Variants in FAM151A observed in about 807,000 individuals in gnomAD.
FAM151A encodes protein FAM151A.
FAM151A carries 41 observed loss-of-function variants against 40.4 expected under a neutral mutation model. That is an observed-to-expected ratio of 1.01 (90% CI 0.79 to 1.32). The LOEUF is 1.32. FAM151A is among the 40% of genes most tolerant of loss of function. FAM151A has a pLI of 0.00. For missense variants in FAM151A, 740 were observed against 740.4 expected (o/e 1.00, Z 0.01); for synonymous variants, 337 against 312.5 (o/e 1.08, Z -0.83).
rs1569775802 is a variant in FAM151A, at chr1:54,609,399, G to A, written c.1627C>T (p.Pro543Ser). The A allele has an allele frequency of 6.2e-7, 1 of 1,614,084 alleles. No homozygotes were observed. Among genetic ancestry groups the A allele is most frequent in the East Asian group, 2.2e-5 (1 of 44,884 alleles). The change falls in exon 8 of 8, where the codon CCA becomes TCA. Residue 543 changes from proline to serine, a missense_variant. Pro to Ser is a moderately conservative substitution (Grantham distance 74, BLOSUM62 -1). Transcript: ENST00000302250. ...ACAGAGGCATAGTCGCCCCCAGCTGGGTTGTGCTCCACTGTGACGGTGGCC... is the reference window on the plus strand; with the variant it reads ...ACAGAGGCATAGTCGCCCCCAGCTGAGTTGTGCTCCACTGTGACGGTGGCC... ...PRATVTVEHN[P>S]AGGDYASVRT...
At chr1:54,622,956 C>T (rs543285910) in intron 1 of FAM151A, among the ~76,000 whole-genome samples, 1 of 150,226 alleles carries the variant, frequency 6.7e-6, no homozygotes, top group East Asian at 2.0e-4. Flanking sequence ...AGGTGGATCA[C>T]CTGAGGTCAG....
At chr1:54,617,500 C>G (rs1644185082) in intron 2 of FAM151A, among the ~76,000 whole-genome samples, 1 of 151,116 alleles carries the variant, frequency 6.6e-6, no homozygotes, top group Non-Finnish European at 1.5e-5. Context: ...CTACCCATTG[C>G]TCTAAACTTG....
In FAM151A at chr1:54,611,688, G is replaced by A; in HGVS notation, c.858C>T (p.Leu286=). 1 of 1,614,140 alleles carries A rather than the reference G, an allele frequency of 6.2e-7. No individual in the cohort carries two copies. Among genetic ancestry groups the A allele is most frequent in the Non-Finnish European group, 8.5e-7 (1 of 1,180,018 alleles). Residue 286 remains leucine (L), a synonymous_variant, in exon 6 of 8, where the codon CTC becomes CTT. Transcript: ENST00000302250. ...GGACAGCAGTGTTATCCCGGACGTA[G>A]AGCAGATCTTCCACCGACATGGGGT... ...ASDPMSVEDL[L]YVRDNTAVHQ...
intron 1 of FAM151A, among the ~76,000 whole-genome samples, chr1:54,622,509 C>T (rs796521324): frequency 2.5e-4 from 37 of 150,736 alleles, no homozygotes; most frequent in African/African-American, 8.1e-4. Context: ...ACCTGGGAGG[C>T]GGAGGTTGCA....
intron 1 of FAM151A, among the ~76,000 whole-genome samples, chr1:54,622,442 G>A (rs1369468381): frequency 6.6e-6 from 1 of 152,148 alleles, no homozygotes; most frequent in African/African-American, 2.4e-5. Context: ...GCTGAGCGTG[G>A]TGGCGCACGC....
chr1:54,612,197 T>C (rs1702013), intron 5 of FAM151A, among the ~76,000 whole-genome samples: 57,987 of 151,214 alleles, frequency 0.38, 13,149 homozygotes, highest in Non-Finnish European at 0.53. Context: ...GCCCCAGGGG[T>C]ACAGCGGGCT....
chr1:54,620,134 A>G lies in FAM151A; in HGVS notation c.119-127T>C. 3 of 987,864 alleles carry G rather than the reference A, an allele frequency of 3.0e-6. No individual in the cohort carries two copies. The East Asian group carries it at 7.9e-5, about 26-fold the overall frequency. The allele number at this position is 987,864 out of a possible 1,614,324, so 61.2% of individuals were successfully genotyped here. A position where few individuals can be genotyped will look rare whatever the true frequency, so the allele number is the denominator to read the frequency against. ...TACCCCATCTGGCAGAGGGACGGTG[A>G]GGCTCAGACTCACTGGTGCTACAAT... is the stretch of plus-strand genomic sequence containing the variant. On this transcript the variant is annotated intron_variant, in intron 1 of 7. Transcript: ENST00000302250.
At chr1:54,617,456 T>C (rs1230252884) in intron 2 of FAM151A, among the ~76,000 whole-genome samples, 1 of 137,814 alleles carries the variant, frequency 7.3e-6, no homozygotes, top group African/African-American at 2.9e-5. Flanking sequence ...CATGTCACTT[T>C]CTGTTAAAAA....
rs150466275 is a variant in FAM151A at position 54,609,667 on chromosome 1, C to T, written c.1359G>A (p.Ser453=). ...CTCTGCCAGCCACATGGCCGGGGACCGAAAAACTCCCGTGGGAGATTTTGG... is the reference window on the plus strand; with the variant it reads ...CTCTGCCAGCCACATGGCCGGGGACTGAAAAACTCCCGTGGGAGATTTTGG... ...VGAKISHGSF[S]VPGHVAGREL... The change falls in exon 8 of 8, where the codon TCG becomes TCA. Residue 453 remains serine, a synonymous_variant. Transcript: ENST00000302250. 39 of 1,613,942 alleles carry T rather than the reference C, an allele frequency of 2.4e-5. No individual in the cohort carries two copies. Among genetic ancestry groups the T allele is most frequent in the South Asian group, 1.2e-4 (11 of 91,084 alleles).
In FAM151A at chr1:54,609,400, G is replaced by T. The variant is rs759391330; in HGVS notation, c.1626C>A (p.Asn542Lys). The T allele has an allele frequency of 1.9e-6, 3 of 1,614,068 alleles. No individual in the cohort carries two copies. The highest frequency in any genetic ancestry group is 2.5e-6 in the Non-Finnish European group (3 of 1,180,044). The change falls in exon 8 of 8, where the codon AAC becomes AAA. Residue 542 changes from asparagine (N) to lysine (K), a missense_variant. Physicochemically the swap from Asn to Lys is moderately conservative, Grantham distance 94. Transcript: ENST00000302250. ...SPRATVTVEH[N>K]PAGGDYASVR... Reference sequence around the variant, plus strand: ...CAGAGGCATAGTCGCCCCCAGCTGGGTTGTGCTCCACTGTGACGGTGGCCC... The same window carrying T: ...CAGAGGCATAGTCGCCCCCAGCTGGTTTGTGCTCCACTGTGACGGTGGCCC...
At position 54,623,399 on chromosome 1, in the gene FAM151A, G is replaced by A. The variant is rs769352946; in HGVS notation, c.-4C>T. On this transcript the variant is annotated 5_prime_UTR_variant, in exon 1 of 8. Coordinates refer to ENST00000302250, the MANE Select transcript of FAM151A (RefSeq NM_176782.3). ...ATAACTGCTCCCTGCAGACCATGGC[G>A]ACGCTCTCTGGGGAATGCCCCCAAC... 43 of 1,610,016 alleles carry A rather than the reference G, an allele frequency of 2.7e-5. 1 individual carries two copies. Among genetic ancestry groups the A allele is most frequent in the South Asian group, 9.9e-5 (9 of 90,938 alleles).
In FAM151A at chr1:54,610,640, T is replaced by G. The variant is rs150844406; in HGVS notation, c.941-85A>C. On this transcript the variant is annotated intron_variant, in intron 6 of 7. Coordinates refer to ENST00000302250, the MANE Select transcript of FAM151A (RefSeq NM_176782.3). ...TTGCTAGGGTCCCATAGGCCACAGC[T>G]CTACGGGCATCCTCTCTAAGCCTCA... The G allele has an allele frequency of 3.7e-4, 575 of 1,538,716 alleles. 1 individual carries two copies. The African/African-American group carries it at 5.9e-3, about 16-fold the overall frequency.
At position 54,612,562 on chromosome 1, in the gene FAM151A, C is replaced by A; in HGVS notation, c.724G>T (p.Val242Phe). ...HELVGGVPQR[V>F]TFPVRSSMVR... ...ATGGAAGACCGTACAGGGAAGGTGA[C>A]CCTCTGGGGCACTCCTCCCACCAGC... Residue 242 changes from valine (V) to phenylalanine (F), a missense_variant, in exon 5 of 8, where the codon GTC (valine) becomes TTC (phenylalanine). Val to Phe is a conservative substitution (Grantham distance 50). Coordinates refer to ENST00000302250, the MANE Select transcript of FAM151A (RefSeq NM_176782.3). 1 of 1,614,090 alleles carries A rather than the reference C, an allele frequency of 6.2e-7. No homozygotes were observed.
chr1:54,610,732 C>G, intron 6 of FAM151A, 177 bp from the exon 7 acceptor site: 1 of 980,368 alleles, frequency 1.0e-6, no homozygotes, highest in Non-Finnish European at 1.2e-6. Context: ...TGCCCAAGGT[C>G]TTATAAGCAG....
At chr1:54,611,787 C>A in intron 5 of FAM151A, 42 bp from the exon 6 acceptor site, 1 of 1,610,658 alleles carries the variant, frequency 6.2e-7, no homozygotes, top group Non-Finnish European at 8.5e-7. Context: ...CTGGGCCCAG[C>A]AAGACCCTCA....
chr1:54,611,497 G>T, intron 6 of FAM151A, 109 bp downstream of exon 6: 1 of 1,025,160 alleles, frequency 9.8e-7, no homozygotes, highest in Non-Finnish European at 1.5e-6. Flanking sequence ...GTCCCACCCC[G>T]GCCTTCCCCC....
At chr1:54,614,418 CTG>C (rs71767684) in intron 4 of FAM151A, among the ~76,000 whole-genome samples, 47,021 of 151,798 alleles carry the variant, frequency 0.31, 8,499 homozygotes, top group East Asian at 0.56. Context: ...GAAGTCAGGG[CTG>C]TGTTAGAAGG....
intron 1 of FAM151A, among the ~76,000 whole-genome samples, chr1:54,622,380 A>C (rs992685506): frequency 9.2e-5 from 14 of 151,970 alleles, no homozygotes; most frequent in Non-Finnish European, 1.8e-4. Flanking sequence ...AGAGATCAAG[A>C]CCATCCTGGC....
chr1:54,623,249 C>T, intron 1 of FAM151A, 29 bp downstream of exon 1: 1 of 1,515,084 alleles, frequency 6.6e-7, no homozygotes. Context: ...AGGGAAGCCA[C>T]TCAGGATGAC....
Sources: allele counts gnomAD v4.1 joint callset (sites outside exome capture counted in the v4.1 genomes callset), GRCh38; gene constraint gnomAD v4.1.1; transcripts MANE v1.5; gene names NCBI Gene and HGNC (gene_info 2026-07-23, HGNC 2026-07-21).